MERTK: variants seen among roughly 807,000 people sequenced by gnomAD.
MERTK encodes MER proto-oncogene, tyrosine kinase, also known as tyrosine-protein kinase Mer.
In MERTK, 69 loss-of-function variants were observed where a neutral mutation model predicts 99.3. The observed-to-expected ratio is 0.70, with a 90% CI of 0.57 to 0.85. The LOEUF is 0.85. Among genes scored for constraint, MERTK ranks in the 40% least tolerant of loss-of-function variants. MERTK has a pLI of 0.00. For synonymous variants in MERTK, 426 were observed against 467.6 expected, an observed-to-expected ratio of 0.91 and a Z score of 1.15; for missense variants, 1,125 against 1,249.4, an observed-to-expected ratio of 0.90 and a Z score of 1.50.
chr2:111,986,560 C>T (rs566743212), intron 8 of MERTK, among the ~76,000 whole-genome samples: 14 of 152,278 alleles, frequency 9.2e-5, no homozygotes, highest in African/African-American at 2.9e-4. Context: ...CCTCTTGAGC[C>T]GAGGCGTTCT....
At chr2:111,934,979 A>C (rs1459524007) in intron 2 of MERTK, among the ~76,000 whole-genome samples, 3 of 152,100 alleles carry the variant, frequency 2.0e-5, no homozygotes, top group Admixed American at 2.0e-4. Context: ...CACACCTTCC[A>C]TTGCTCTTAC....
Position 111,993,532 on chromosome 2 carries a change from A to G in MERTK, c.1297-719A>G, listed in dbSNP as rs1429385199. 2.0e-5 allele frequency among the ~76,000 whole-genome samples: 3 copies of G among 152,332 alleles called. No individual in the cohort carries two copies. In the East Asian group the frequency reaches 5.8e-4, roughly 29 times the overall value. On this transcript the variant is annotated intron_variant, in intron 8 of 18. Transcript: ENST00000295408. The stretch of plus-strand genomic sequence containing the variant: ...CTTCATTTCAGCTTTCACAACCCCT[A>G]TAATTTCCATTTGAAAAGCCAGCCC...
chr2:111,918,515 G>T (rs867925707), intron 1 of MERTK, among the ~76,000 whole-genome samples: 9 of 152,272 alleles, frequency 5.9e-5, no homozygotes, highest in African/African-American at 9.6e-5. Context: ...TTGAGACCCT[G>T]GCCAGACAGT....
At chr2:111,994,083 A>T (rs1676685318) in intron 8 of MERTK, among the ~76,000 whole-genome samples, 168 bp from the exon 9 acceptor site, 1 of 152,100 alleles carries the variant, frequency 6.6e-6, no homozygotes, top group Non-Finnish European at 1.5e-5. Context: ...TCCCTACCTG[A>T]CTTTTGGTTC....
chr2:112,022,455 C>G, intron 18 of MERTK, 61 bp downstream of exon 18: 1 of 1,610,232 alleles, frequency 6.2e-7, no homozygotes, highest in Non-Finnish European at 8.5e-7. Context: ...TGGCTCTGCA[C>G]TGACCTCGGA....
intron 15 of MERTK, among the ~76,000 whole-genome samples, chr2:112,011,333 T>G (rs1397805630): frequency 6.6e-6 from 1 of 152,180 alleles, no homozygotes; most frequent in African/African-American, 2.4e-5. Context: ...ACCAGTGTGG[T>G]GGAGTTCTGC....
intron 4 of MERTK, among the ~76,000 whole-genome samples, chr2:111,948,565 T>C (rs930047656): frequency 6.6e-6 from 1 of 152,194 alleles, no homozygotes; most frequent in Non-Finnish European, 1.5e-5. Context: ...CCCAGACTTG[T>C]TCCACTCCAG....
At chr2:111,947,355 A>G (rs754606916) in intron 3 of MERTK, 39 bp from the exon 4 acceptor site, 1 of 1,598,456 alleles carries the variant, frequency 6.3e-7, no homozygotes, top group South Asian at 1.1e-5. Context: ...CTCTGTTTTC[A>G]GATCTGAAAC....
intron 2 of MERTK, among the ~76,000 whole-genome samples, chr2:111,938,483 G>C (rs1684803514): frequency 1.3e-5 from 2 of 152,154 alleles, no homozygotes; most frequent in Admixed American, 1.3e-4. Context: ...CTACTTCCAA[G>C]TCATTTCTGA....
chr2:112,016,353 G>A (rs1677215809), intron 15 of MERTK, among the ~76,000 whole-genome samples: 1 of 152,172 alleles, frequency 6.6e-6, no homozygotes, highest in East Asian at 1.9e-4. Flanking sequence ...AAGATAAAAA[G>A]GAATGTAGTT....
chr2:111,956,379 C>T (rs543109943), intron 4 of MERTK, among the ~76,000 whole-genome samples: 12 of 152,288 alleles, frequency 7.9e-5, no homozygotes, highest in African/African-American at 2.2e-4. Context: ...GTTACTAACT[C>T]ATTGTCAATT....
chr2:111,900,776 A>G (rs373086818), intron 1 of MERTK, among the ~76,000 whole-genome samples: 4 of 152,242 alleles, frequency 2.6e-5, no homozygotes, highest in African/African-American at 7.2e-5. Context: ...TGAAAAGCTT[A>G]AAGAATGGGA....
intron 1 of MERTK, among the ~76,000 whole-genome samples, chr2:111,902,265 T>C (rs1684058004): frequency 6.6e-6 from 1 of 152,250 alleles, no homozygotes; most frequent in South Asian, 2.1e-4. Context: ...TAGTCAGCAT[T>C]GGTCAAGAAG....
intron 1 of MERTK, among the ~76,000 whole-genome samples, chr2:111,922,407 C>A (rs914203964): frequency 3.9e-5 from 6 of 152,232 alleles, no homozygotes; most frequent in African/African-American, 1.4e-4. Flanking sequence ...GAGCTAAGAG[C>A]CCTTCGCATC....
At chr2:111,909,282 A>G (rs1056946908) in intron 1 of MERTK, among the ~76,000 whole-genome samples, 1 of 152,216 alleles carries the variant, frequency 6.6e-6, no homozygotes, top group Non-Finnish European at 1.5e-5. Flanking sequence ...AAAAGCTAAT[A>G]GAGCCGGTGC....
At chr2:111,995,947 CCAAAA>C (rs200729422) in intron 9 of MERTK, among the ~76,000 whole-genome samples, 65 of 152,090 alleles carry the variant, frequency 4.3e-4, no homozygotes, top group African/African-American at 1.4e-3. Context: ...ACCCCCATCT[CCAAAA>C]CAAAACAAAA....
chr2:111,991,685 C>T (rs909676831), intron 8 of MERTK, among the ~76,000 whole-genome samples: 11 of 152,116 alleles, frequency 7.2e-5, no homozygotes, highest in African/African-American at 2.2e-4. Flanking sequence ...CATATTTTCC[C>T]TTTCATCCCT....
At position 112,029,082 on chromosome 2, in the gene MERTK, G is replaced by T; in HGVS notation, c.*218G>T. On this transcript the variant is annotated 3_prime_UTR_variant, in exon 19 of 19. Transcript: ENST00000295408. ...TGTGTATATCATGGAAAAAGACAAG[G>T]ATATTTTAATAAAACATTACTTATT... The T allele has an allele frequency of 8.0e-7, 1 of 1,247,302 alleles. No homozygotes were observed. 77.3% of individuals were successfully genotyped at this position (1,247,302 alleles called of 1,614,324 possible). A position where few individuals can be genotyped will look rare whatever the true frequency, so the allele number is the denominator to read the frequency against.
intron 6 of MERTK, among the ~76,000 whole-genome samples, chr2:111,970,738 ACTCCTCCCTCCTCCCTTCTCCTCCTC>A (rs1676093327): frequency 3.5e-5 from 1 of 28,848 alleles, no homozygotes; most frequent in African/African-American, 1.6e-4. Context: ...TCCTCCCCCT[ACTCCTCCCTCCTCCCTTCTCCTCCTC>A]CTCCTCCCTC....
Sources: gnomAD v4.1 joint callset for allele counts (sites outside exome capture counted in the v4.1 genomes callset) on GRCh38, gnomAD v4.1.1 for gene constraint, MANE v1.5 for transcripts, NCBI Gene and HGNC (gene_info 2026-07-23, HGNC 2026-07-21) for gene names.